RNPEPL1: variants seen among roughly 807,000 people sequenced by gnomAD.
The protein encoded by RNPEPL1 is aminopeptidase RNPEPL1.
Under a neutral mutation model 69.0 loss-of-function variants are expected in RNPEPL1, and 46 were observed. That is an observed-to-expected ratio of 0.67 (90% CI 0.53 to 0.85). RNPEPL1 has a LOEUF of 0.85. RNPEPL1 is among the 40% of genes least tolerant of loss of function. RNPEPL1 has a pLI of 0.00. For synonymous variants in RNPEPL1, 525 were observed against 454.1 expected, an observed-to-expected ratio of 1.16 and a Z score of -1.98; for missense variants, 869 against 992.5, an observed-to-expected ratio of 0.88 and a Z score of 1.67.
At position 240,579,866 on chromosome 2, in the gene RNPEPL1, C is replaced by G. The variant is rs2093048221; in HGVS notation, c.*1974C>G. 1 of 152,252 alleles carries G rather than the reference C, an allele frequency of 6.6e-6. No homozygotes were observed. Among genetic ancestry groups the G allele is most frequent in the Non-Finnish European group, 1.5e-5 (1 of 68,060 alleles). 9.4% of individuals were successfully genotyped at this position (152,252 alleles called of 1,614,324 possible). A position where few individuals can be genotyped will look rare whatever the true frequency, so the allele number is the denominator to read the frequency against. ...CTGGGCTCTTCTTTCTTTTGCAATT[C>G]AGCTCTCGAAATGACTCTGTGGTCT... On this transcript the variant is annotated 3_prime_UTR_variant, in exon 11 of 11. Coordinates refer to ENST00000270357, the MANE Select transcript of RNPEPL1 (RefSeq NM_018226.6).
At position 240,576,759 on chromosome 2, in the gene RNPEPL1, C is replaced by T. The variant is rs775124829; in HGVS notation, c.1735C>T (p.Pro579Ser). The stretch of plus-strand genomic sequence containing the variant: ...CCGGCTCCTGGATGGGTCCCCGCTG[C>T]CGCAGGGTGAGTCCCTGCAGCTGAT... ...LDRLLDGSPL[P>S]QEVVMSLSKC... The change falls in exon 9 of 11, where the codon CCG becomes TCG. Residue 579 changes from proline to serine, a missense_variant. This residue lies in a region of RNPEPL1 where 610 missense variants were observed against 790.9 expected (regional missense o/e 0.77). Coordinates refer to ENST00000270357, the MANE Select transcript of RNPEPL1 (RefSeq NM_018226.6). The T allele has an allele frequency of 1.9e-6, 3 of 1,612,850 alleles. No homozygotes were observed. Among genetic ancestry groups the T allele is most frequent in the Admixed American group, 3.3e-5 (2 of 60,026 alleles).
At position 240,577,648 on chromosome 2, in the gene RNPEPL1, C is replaced by A; in HGVS notation, c.1934C>A (p.Ala645Asp). 1 of 1,611,090 alleles carries A rather than the reference C, an allele frequency of 6.2e-7. No individual in the cohort carries two copies. The highest frequency in any genetic ancestry group is 1.7e-5 in the Admixed American group (1 of 59,858). Residue 645 changes from alanine to aspartate, a missense_variant, in exon 11 of 11, where the codon GCC becomes GAC. Physicochemically the swap from Ala to Asp is moderately radical, Grantham distance 126. Transcript: ENST00000270357. Reference protein sequence around the residue: ...IPLYEDLCTGALKSFALEVFY... With the variant: ...IPLYEDLCTGDLKSFALEVFY... Reference sequence around the variant, plus strand: ...CTGTACGAGGACCTCTGCACCGGTGCCCTCAAGTCCTTCGCGCTGGAGGTC... The same window carrying A: ...CTGTACGAGGACCTCTGCACCGGTGACCTCAAGTCCTTCGCGCTGGAGGTC...
chr2:240,568,750 G>T lies in RNPEPL1; in HGVS notation c.164G>T (p.Arg55Leu). 9.4e-7 allele frequency: 1 copy of T among 1,064,012 alleles called. No homozygotes were observed. The highest frequency in any genetic ancestry group is 1.1e-6 in the Non-Finnish European group (1 of 879,860). 65.9% of individuals were successfully genotyped at this position (1,064,012 alleles called of 1,614,324 possible). ...QLGLELRPEA[R>L]ELAGCLVLEL... ...GGCCTGGAGCTGCGGCCCGAGGCGC[G>T]CGAGTTGGCCGGCTGCCTGGTGCTC... The change falls in exon 1 of 11, where the codon CGC becomes CTC. Residue 55 changes from arginine (R) to leucine (L), a missense_variant. This residue lies in a region of RNPEPL1 where 259 missense variants were observed against 201.5 expected (regional missense o/e 1.29). Coordinates refer to ENST00000270357, the MANE Select transcript of RNPEPL1 (RefSeq NM_018226.6). This position sits in a 1 kb window ranked among gnomAD's most constrained non-coding sequence, Gnocchi z 6.2.
intron 4 of RNPEPL1, 88 bp from the exon 5 acceptor site, chr2:240,574,025 T>A: frequency 3.5e-6 from 5 of 1,414,972 alleles, no homozygotes; most frequent in Non-Finnish European, 4.9e-6. Context: ...GCTGGGCTGA[T>A]CCCTGCTGGG....
chr2:240,569,718 G>T (rs552696617), intron 1 of RNPEPL1, among the ~76,000 whole-genome samples: 2 of 152,360 alleles, frequency 1.3e-5, no homozygotes, highest in South Asian at 4.1e-4. Context: ...CACCAGTGGG[G>T]ATGTGTACAG....
At chr2:240,574,876 C>G (rs544502054) in intron 6 of RNPEPL1, 154 bp from the exon 7 acceptor site, 1 of 704,818 alleles carries the variant, frequency 1.4e-6, no homozygotes, top group South Asian at 1.6e-5. Context: ...GAGGCCCTGC[C>G]GCTGCACGCC....
chr2:240,581,266 T>A lies in RNPEPL1; in HGVS notation c.*3374T>A, dbSNP rs1404476295. On this transcript the variant is annotated 3_prime_UTR_variant, in exon 11 of 11. Coordinates refer to ENST00000270357, the MANE Select transcript of RNPEPL1 (RefSeq NM_018226.6). Reference sequence around the variant, plus strand: ...GACTTTTGAAATAAACCATAACATATGAAGAGGCACTTATGAAACAAGAAC... The same window carrying A: ...GACTTTTGAAATAAACCATAACATAAGAAGAGGCACTTATGAAACAAGAAC... 6.6e-6 allele frequency: 1 copy of A among 152,060 alleles called. No homozygotes were observed. The highest frequency in any genetic ancestry group is 1.9e-4 in the East Asian group (1 of 5,190). The allele number at this position is 152,060 out of a possible 1,614,324, so 9.4% of individuals were successfully genotyped here. A position where few individuals can be genotyped will look rare whatever the true frequency, so the allele number is the denominator to read the frequency against.
intron 7 of RNPEPL1, 107 bp downstream of exon 7, chr2:240,575,249 G>C: frequency 6.6e-6 from 6 of 912,140 alleles, no homozygotes; most frequent in Non-Finnish European, 8.9e-6. Flanking sequence ...ACTGGCAGGG[G>C]CCTGTGAGCC....
In RNPEPL1 at chr2:240,568,743, G is replaced by A. The variant is rs1001534339; in HGVS notation, c.157G>A (p.Glu53Lys). 4 of 1,061,722 alleles carry A rather than the reference G, an allele frequency of 3.8e-6. No individual in the cohort carries two copies. The highest frequency in any genetic ancestry group is 4.6e-6 in the Non-Finnish European group (4 of 878,028). The allele number at this position is 1,061,722 out of a possible 1,614,324, so 65.8% of individuals were successfully genotyped here. A position where few individuals can be genotyped will look rare whatever the true frequency, so the allele number is the denominator to read the frequency against. The stretch of plus-strand genomic sequence containing the variant: ...GCAGCTGGGCCTGGAGCTGCGGCCC[G>A]AGGCGCGCGAGTTGGCCGGCTGCCT... The part of the protein sequence containing the change: ...HLQLGLELRP[E>K]ARELAGCLVL... The change falls in exon 1 of 11, where the codon GAG becomes AAG. Residue 53 changes from glutamate (E) to lysine (K), a missense_variant. Coordinates refer to ENST00000270357, the MANE Select transcript of RNPEPL1 (RefSeq NM_018226.6). This position sits in a 1 kb window ranked among gnomAD's most constrained non-coding sequence, Gnocchi z 6.2.
rs1259761778 is a variant in RNPEPL1, at chr2:240,572,737, G to A, written c.669+174G>A. On this transcript the variant is annotated intron_variant, in intron 2 of 10. Coordinates refer to ENST00000270357, the MANE Select transcript of RNPEPL1 (RefSeq NM_018226.6). Reference sequence around the variant, plus strand: ...TGGGAGGAGCCGCTTTGCAGGGAACGGGGGAAGCCGGGCTGCCTCCAACGG... The same window carrying A: ...TGGGAGGAGCCGCTTTGCAGGGAACAGGGGAAGCCGGGCTGCCTCCAACGG... 5.3e-5 allele frequency among the ~76,000 whole-genome samples: 8 copies of A among 152,314 alleles called. No individual in the cohort carries two copies. In the South Asian group the frequency reaches 1.2e-3, roughly 24 times the overall value.
chr2:240,574,598 G>T lies in RNPEPL1; in HGVS notation c.1258G>T (p.Val420Phe). The change falls in exon 6 of 11, where the codon GTC (valine) becomes TTC (phenylalanine). Residue 420 changes from valine to phenylalanine, a missense_variant. Transcript: ENST00000270357. ...GAAGCTTCTGGGAGAGGACAGCCCG[G>T]TCAGCAAACTGCAGGTCAAGCTGGA... Reference protein sequence around the residue: ...QMKLLGEDSPVSKLQVKLEPG... With the variant: ...QMKLLGEDSPFSKLQVKLEPG... 1 of 1,612,940 alleles carries T rather than the reference G, an allele frequency of 6.2e-7. No homozygotes were observed. The highest frequency in any genetic ancestry group is 1.1e-5 in the South Asian group (1 of 91,008).
At position 240,573,167 on chromosome 2, in the gene RNPEPL1, G is replaced by A. The variant is rs755007123; in HGVS notation, c.727G>A (p.Glu243Lys). 4 of 1,608,594 alleles carry A rather than the reference G, an allele frequency of 2.5e-6. No individual in the cohort carries two copies. The highest frequency in any genetic ancestry group is 1.1e-5 in the South Asian group (1 of 89,890). Residue 243 changes from glutamate (E) to lysine (K), a missense_variant, in exon 3 of 11, where the codon GAA becomes AAA. Glu to Lys is a moderately conservative substitution (Grantham distance 56). This residue lies in a region of RNPEPL1 where 610 missense variants were observed against 790.9 expected (regional missense o/e 0.77). Coordinates refer to ENST00000270357, the MANE Select transcript of RNPEPL1 (RefSeq NM_018226.6). Reference sequence around the variant, plus strand: ...CACCCGGAGTGCATACATGGAGGAAGAAGGCGTCTTCCACTTCCACATGGA... The same window carrying A: ...CACCCGGAGTGCATACATGGAGGAAAAAGGCGTCTTCCACTTCCACATGGA... ...SATRSAYMEE[E>K]GVFHFHMEHP... is the part of the protein sequence containing the mutation.
chr2:240,573,229 C>T lies in RNPEPL1; in HGVS notation c.789C>T (p.Ala263=), dbSNP rs76384945. 1.3e-3 allele frequency: 2,111 copies of T among 1,573,634 alleles called. 16 individuals carry two copies. In the African/African-American group the frequency reaches 0.023, roughly 17 times the overall value. Residue 263 remains alanine (A), a synonymous_variant, in exon 3 of 11, where the codon GCC becomes GCT. Coordinates refer to ENST00000270357, the MANE Select transcript of RNPEPL1 (RefSeq NM_018226.6). ...PVPAYLVALV[A]GDLKPADIGP... is the part of the protein sequence containing the mutation. ...CCGCCTACCTCGTGGCCCTGGTGGC[C>T]GGAGACCTCAAGCCGGCAGACATCG...
At chr2:240,575,695 C>G (rs918416568) in intron 8 of RNPEPL1, 85 bp downstream of exon 8, 20 of 1,033,482 alleles carry the variant, frequency 1.9e-5, no homozygotes, top group Non-Finnish European at 2.4e-5. Flanking sequence ...GCCACTCCAC[C>G]TGGAGGAAAG....
intron 4 of RNPEPL1, 21 bp downstream of exon 4, chr2:240,573,912 G>C (rs1453727176): frequency 2.5e-6 from 4 of 1,572,728 alleles, no homozygotes; most frequent in African/African-American, 1.3e-5. Flanking sequence ...GGGACCTGTG[G>C]ACCTGGCTGG....
In RNPEPL1 at chr2:240,575,369, C is replaced by T. The variant is rs1021832676; in HGVS notation, c.1402-133C>T. The T allele has an allele frequency of 3.1e-5, 26 of 844,628 alleles. No individual in the cohort carries two copies. The Middle Eastern group carries it at 7.8e-4, about 25-fold the overall frequency. 52.3% of individuals were successfully genotyped at this position (844,628 alleles called of 1,614,324 possible). ...GGGCCTGCGTGCCAAGTGCTGGCTCCGCAGTGCCCACTAGCTGCCCCTGTG... is the reference window on the plus strand; with the variant it reads ...GGGCCTGCGTGCCAAGTGCTGGCTCTGCAGTGCCCACTAGCTGCCCCTGTG... On this transcript the variant is annotated intron_variant, in intron 7 of 10. Coordinates refer to ENST00000270357, the MANE Select transcript of RNPEPL1 (RefSeq NM_018226.6).
intron 1 of RNPEPL1, 53 bp from the exon 2 acceptor site, chr2:240,572,370 G>C (rs2093024193): frequency 1.3e-6 from 2 of 1,525,724 alleles, no homozygotes; most frequent in Admixed American, 4.0e-5. Flanking sequence ...CAGTGGCTAG[G>C]GCCCAGCACC....
rs182196372 is a variant in RNPEPL1, at chr2:240,574,621, G to A, written c.1281G>A (p.Leu427=). ...CGGTCAGCAAACTGCAGGTCAAGCT[G>A]GAGCCAGGTACCTGCTCCTCAGGAC... ...DSPVSKLQVK[L]EPGVNPSHLM... The change falls in exon 6 of 11, where the codon CTG becomes CTA. Residue 427 remains leucine (L), a synonymous_variant. Transcript: ENST00000270357. 5 of 1,612,252 alleles carry A rather than the reference G, an allele frequency of 3.1e-6. No individual in the cohort carries two copies. The highest frequency in any genetic ancestry group is 4.2e-6 in the Non-Finnish European group (5 of 1,179,598).
intron 2 of RNPEPL1, among the ~76,000 whole-genome samples, chr2:240,572,789 G>A (rs939774295): frequency 1.3e-5 from 2 of 152,210 alleles, no homozygotes; most frequent in Non-Finnish European, 2.9e-5. Context: ...TCCTGGACCC[G>A]GGGTGAGTCC....
Sources: gnomAD v4.1 joint callset for allele counts (sites outside exome capture counted in the v4.1 genomes callset) on GRCh38, gnomAD v4.1.1 for gene constraint, gnomAD v4.1.1 regional missense constraint, Gnocchi (gnomAD v3.1) non-coding constraint, MANE v1.5 for transcripts, NCBI Gene and HGNC (gene_info 2026-07-23, HGNC 2026-07-21) for gene names.